Variants in FAM186B observed in about 807,000 individuals in gnomAD.
FAM186B encodes the protein protein FAM186B.
In FAM186B, 68 loss-of-function variants were observed where a neutral mutation model predicts 83.4. The observed-to-expected ratio is 0.81, with a 90% confidence interval of 0.67 to 1.00. The LOEUF (loss-of-function observed/expected upper bound fraction) is 1.00, where lower values mean the gene tolerates loss of function less well. FAM186B is among the 50% of genes least tolerant of loss of function. The pLI is 0.00. For synonymous variants in FAM186B, 389 were observed against 422.0 expected (o/e 0.92, Z 0.96); for missense variants, 983 against 1,099.2 (o/e 0.89, Z 1.49).
At chr12:49,614,927 G>A in the FAM186B span, among the ~76,000 whole-genome samples, 879 of 152,154 alleles carry the variant, frequency 5.8e-3, 10 homozygotes, top group African/African-American at 0.019. Flanking sequence ...TCTGGAGATC[G>A]AGACCATCCC....
At chr12:49,590,409 G>T (rs1403284053) in intron 5 of FAM186B, among the ~76,000 whole-genome samples, 1 of 152,088 alleles carries the variant, frequency 6.6e-6, no homozygotes, top group Non-Finnish European at 1.5e-5. Flanking sequence ...AAAGATTGGG[G>T]TTACTTTTTT....
downstream of FAM186B, among the ~76,000 whole-genome samples, chr12:49,586,962 T>C (rs7973389): frequency 0.2 from 31,074 of 152,084 alleles, 4,859 homozygotes; most frequent in African/African-American, 0.45. Flanking sequence ...CCTCTCCCCA[T>C]TGGGGATCTG....
chr12:49,603,379 A>G lies in FAM186B; in HGVS notation c.323-12T>C. ...GGTCAGAGTGTCACCTGGAGAAGGG[A>G]TGGGAGGTGCAGGCTGAGAGCAGTC... On this transcript the variant is annotated splice_polypyrimidine_tract_variant and intron_variant, in intron 2 of 6. Coordinates refer to ENST00000257894, the MANE Select transcript of FAM186B (RefSeq NM_032130.3). The G allele has an allele frequency of 6.2e-7, 1 of 1,613,906 alleles. No homozygotes were observed. Among genetic ancestry groups the G allele is most frequent in the Non-Finnish European group, 8.5e-7 (1 of 1,179,912 alleles).
chr12:49,616,122 C>A, the FAM186B span, among the ~76,000 whole-genome samples: 30 of 152,082 alleles, frequency 2.0e-4, 1 homozygote, highest in East Asian at 5.6e-3. Context: ...CTCCGCCTCC[C>A]GGGTTCAAGC....
chr12:49,582,937 C>G, downstream of FAM186B: 2 of 438,132 alleles, frequency 4.6e-6, no homozygotes, highest in South Asian at 3.2e-5. Context: ...CAGCTTGGCC[C>G]GTGCAGGCTT....
chr12:49,588,632 A>T lies in FAM186B; in HGVS notation c.2365-9T>A. The T allele has an allele frequency of 6.4e-7, 1 of 1,561,826 alleles. No individual in the cohort carries two copies. Among genetic ancestry groups the T allele is most frequent in the Non-Finnish European group, 8.7e-7 (1 of 1,148,228 alleles). On this transcript the variant is annotated splice_polypyrimidine_tract_variant and intron_variant, in intron 5 of 6. Coordinates refer to ENST00000257894, the MANE Select transcript of FAM186B (RefSeq NM_032130.3). ...TTCCACTCCAGCTGGAGCTAGAGGA[A>T]CCAGCAGAGAGGCATCAGGGAAACA... is the stretch of plus-strand genomic sequence containing the variant.
intron 3 of FAM186B, 98 bp downstream of exon 3, chr12:49,603,087 G>A (rs927863244): frequency 4.3e-5 from 56 of 1,309,580 alleles, no homozygotes; most frequent in Middle Eastern, 2.5e-4. Flanking sequence ...TGTGATGGAG[G>A]AGAATCAGAA....
At position 49,604,328 on chromosome 12, in the gene FAM186B, A is replaced by G. The variant is rs921646587; in HGVS notation, c.307T>C (p.Trp103Arg). ...KEKHLYDILR[W>R]LGDWGDTLTY... ...GCAAACTCACCCCAGTCACCCAGCC[A>G]GCGGAGAATGTCATACAGGTGCTTC... The change falls in exon 2 of 7, where the codon TGG becomes CGG. Residue 103 changes from tryptophan to arginine, a missense_variant. Transcript: ENST00000257894. 13 of 1,613,598 alleles carry G rather than the reference A, an allele frequency of 8.1e-6. No homozygotes were observed. The highest frequency in any genetic ancestry group is 1.7e-5 in the Admixed American group (1 of 60,004).
At chr12:49,610,938 G>A in the FAM186B span, among the ~76,000 whole-genome samples, 1 of 152,054 alleles carries the variant, frequency 6.6e-6, no homozygotes, top group Non-Finnish European at 1.5e-5. Flanking sequence ...TATAAAAAAG[G>A]TAATTTTTAA....
rs1247165412 is a variant in FAM186B at position 49,598,964 on chromosome 12, A to C, written c.2172-17T>G. On this transcript the variant is annotated splice_polypyrimidine_tract_variant and intron_variant, in intron 4 of 6. Coordinates refer to ENST00000257894, the MANE Select transcript of FAM186B (RefSeq NM_032130.3). ...GCTTCTTGCCTGGGAAAAGAGGAGA[A>C]GCAATTTAGGGGGTGGAGAGGCCTC... 1 of 1,612,806 alleles carries C rather than the reference A, an allele frequency of 6.2e-7. No homozygotes were observed. Among genetic ancestry groups the C allele is most frequent in the East Asian group, 2.2e-5 (1 of 44,852 alleles).
rs768411024 is a variant in FAM186B, at chr12:49,592,915, CAAAG to C, written c.2365-4296_2365-4293del. ...GAAGGCAGGAAAAGAGGGAAAAAAA[CAAAG>C]AACAGATTAGACAAATAGAAATGAA... On this transcript the variant is annotated intron_variant, in intron 5 of 6. Transcript: ENST00000257894. Among the ~76,000 whole-genome samples the C allele has an allele frequency of 1.4e-4, 22 of 152,046 alleles. 1 individual carries two copies. Among genetic ancestry groups the C allele is most frequent in the Non-Finnish European group, 2.4e-4 (16 of 67,986 alleles).
At chr12:49,613,698 G>A in the FAM186B span, among the ~76,000 whole-genome samples, 2 of 151,550 alleles carry the variant, frequency 1.3e-5, no homozygotes, top group African/African-American at 4.9e-5. Flanking sequence ...ACTTAACCAG[G>A]CATGGTGGCA....
intron 5 of FAM186B, among the ~76,000 whole-genome samples, chr12:49,590,414 T>C (rs915753795): frequency 6.6e-6 from 1 of 152,220 alleles, no homozygotes; most frequent in Non-Finnish European, 1.5e-5. Flanking sequence ...TTGGGGTTAC[T>C]TTTTTATTAT....
rs758087218 is a variant in FAM186B, at chr12:49,600,103, C to T, written c.1537G>A (p.Glu513Lys). Residue 513 changes from glutamate (E) to lysine (K), a missense_variant, in exon 4 of 7, where the codon GAG (glutamate) becomes AAG (lysine). Transcript: ENST00000257894. This position sits in a 1 kb window ranked among gnomAD's most constrained non-coding sequence, Gnocchi z 4.3. ...RQKKWALLEQEHQEKLRQWNL... is the reference protein window; with the variant it reads ...RQKKWALLEQKHQEKLRQWNL... Reference sequence around the variant, plus strand: ...CACTGCCGCAGCTTCTCCTGATGCTCCTGCTCCAGCAGGGCCCACTTCTTC... The same window carrying T: ...CACTGCCGCAGCTTCTCCTGATGCTTCTGCTCCAGCAGGGCCCACTTCTTC... 1.6e-5 allele frequency: 26 copies of T among 1,612,202 alleles called. No homozygotes were observed. The highest frequency in any genetic ancestry group is 2.1e-5 in the Non-Finnish European group (25 of 1,179,020).
At chr12:49,583,045 G>A (rs1477559539), downstream of FAM186B, 3 of 456,208 alleles carry the variant, frequency 6.6e-6, no homozygotes, top group Non-Finnish European at 1.3e-5. Flanking sequence ...ACGTGCAGAA[G>A]GTCAAAGTCC....
intron 5 of FAM186B, among the ~76,000 whole-genome samples, chr12:49,592,873 G>T (rs556226403): frequency 7.2e-4 from 110 of 152,214 alleles, no homozygotes; most frequent in Non-Finnish European, 1.2e-3. Context: ...TACTTGAAAA[G>T]CTCAGTTACT....
At chr12:49,592,934 A>G (rs779800683) in intron 5 of FAM186B, among the ~76,000 whole-genome samples, 8 of 152,246 alleles carry the variant, frequency 5.3e-5, no homozygotes, top group Admixed American at 4.6e-4. Flanking sequence ...GATTAGACAA[A>G]TAGAAATGAA....
chr12:49,611,124 G>A, the FAM186B span, among the ~76,000 whole-genome samples: 1 of 152,202 alleles, frequency 6.6e-6, no homozygotes, highest in African/African-American at 2.4e-5. Context: ...TGTAATCCTA[G>A]CACTTTGGGA....
chr12:49,598,953 A>G lies in FAM186B; in HGVS notation c.2172-6T>C. ...CATGGTTGATCGCTTCTTGCCTGGG[A>G]AAAGAGGAGAAGCAATTTAGGGGGT... On this transcript the variant is annotated splice_polypyrimidine_tract_variant and splice_region_variant and intron_variant, in intron 4 of 6. Transcript: ENST00000257894. The G allele has an allele frequency of 1.2e-6, 2 of 1,613,150 alleles. No homozygotes were observed. The highest frequency in any genetic ancestry group is 1.7e-6 in the Non-Finnish European group (2 of 1,179,556).
Sources: allele counts gnomAD v4.1 joint callset (sites outside exome capture counted in the v4.1 genomes callset), GRCh38; gene constraint gnomAD v4.1.1; non-coding constraint Gnocchi (gnomAD v3.1); transcripts MANE v1.5; gene names NCBI Gene and HGNC (gene_info 2026-07-23, HGNC 2026-07-21).